HSD17B12: variants seen among roughly 807,000 people sequenced by gnomAD.
HSD17B12 encodes the protein very-long-chain 3-oxoacyl-CoA reductase.
In HSD17B12, 32 loss-of-function variants were observed where a neutral mutation model predicts 39.3. The ratio of observed to expected loss-of-function variants is 0.81; its 90% CI spans 0.61 to 1.09. The LOEUF (loss-of-function observed/expected upper bound fraction) is 1.09. HSD17B12 is among the 50% of genes least tolerant of loss of function. The pLI is 0.00. For synonymous variants in HSD17B12, 150 were observed against 146.7 expected (o/e 1.02, Z -0.16); for missense variants, 342 against 382.9 (o/e 0.89, Z 0.89).
At chr11:43,606,091 A>G in the HSD17B12 span, among the ~76,000 whole-genome samples, 1 of 152,236 alleles carries the variant, frequency 6.6e-6, no homozygotes, top group Admixed American at 6.5e-5. Context: ...GGTCAGGTCA[A>G]TTCCTAAAAT....
the HSD17B12 span, among the ~76,000 whole-genome samples, chr11:43,662,377 T>TTGTGTG: frequency 0.16 from 20,885 of 128,242 alleles, 1,960 homozygotes; most frequent in Non-Finnish European, 0.21. Flanking sequence ...TTTATTTTAT[T>TTGTGTG]TGTGTGTGTG....
chr11:43,659,560 C>T, the HSD17B12 span, among the ~76,000 whole-genome samples: 1 of 152,004 alleles, frequency 6.6e-6, no homozygotes, highest in Non-Finnish European at 1.5e-5. Context: ...GCAAAAATTT[C>T]TTAGATAATA....
chr11:43,688,732 G>A (rs1468664426), intron 1 of HSD17B12, among the ~76,000 whole-genome samples: 1 of 152,158 alleles, frequency 6.6e-6, no homozygotes, highest in Non-Finnish European at 1.5e-5. Context: ...AAACAGATTG[G>A]CTTTGGAGTC....
the HSD17B12 span, among the ~76,000 whole-genome samples, chr11:43,670,758 GC>G: frequency 6.6e-6 from 1 of 152,112 alleles, no homozygotes; most frequent in African/African-American, 2.4e-5. Context: ...GGTGCTGTGT[GC>G]CTGTAGTCCT....
intron 1 of HSD17B12, among the ~76,000 whole-genome samples, chr11:43,688,348 A>G (rs1051326008): frequency 6.6e-6 from 1 of 152,220 alleles, no homozygotes; most frequent in Admixed American, 6.5e-5. Flanking sequence ...TCACTGTGGT[A>G]TGGGAAGTTC....
the HSD17B12 span, among the ~76,000 whole-genome samples, chr11:43,636,258 A>T: frequency 1.6e-3 from 248 of 152,312 alleles, 2 homozygotes; most frequent in East Asian, 0.024. Context: ...CTCAACATGG[A>T]GATGGTTTTA....
At chr11:43,670,038 T>G in the HSD17B12 span, among the ~76,000 whole-genome samples, 2 of 152,228 alleles carry the variant, frequency 1.3e-5, no homozygotes, top group Non-Finnish European at 2.9e-5. Context: ...AAAGAGAAGT[T>G]GAACTGCACT....
the HSD17B12 span, among the ~76,000 whole-genome samples, chr11:43,618,264 T>C: frequency 2.0e-5 from 3 of 152,194 alleles, no homozygotes; most frequent in African/African-American, 7.2e-5. Flanking sequence ...TTTATATTCA[T>C]TATGTTTTAC....
intron 1 of HSD17B12, among the ~76,000 whole-genome samples, chr11:43,689,111 A>C (rs1319503447): frequency 6.6e-6 from 1 of 152,234 alleles, no homozygotes; most frequent in African/African-American, 2.4e-5. Flanking sequence ...AAGATTTACT[A>C]AGCAGTTCCT....
chr11:43,585,747 G>T, the HSD17B12 span, among the ~76,000 whole-genome samples: 11 of 152,196 alleles, frequency 7.2e-5, no homozygotes, highest in Admixed American at 2.0e-4. Context: ...CAATAGGGTT[G>T]TTGTTAATTC....
At chr11:43,666,488 C>T in the HSD17B12 span, among the ~76,000 whole-genome samples, 1 of 152,032 alleles carries the variant, frequency 6.6e-6, no homozygotes, top group East Asian at 1.9e-4. Flanking sequence ...TGCAGGCGCA[C>T]ACCACCACAC....
rs1194923917 is a variant in HSD17B12 at position 43,680,937 on chromosome 11, G to A, written c.110G>A (p.Trp37Ter). 1 of 1,611,956 alleles carries A rather than the reference G, an allele frequency of 6.2e-7. No homozygotes were observed. Among genetic ancestry groups the A allele is most frequent in the South Asian group, 1.1e-5 (1 of 91,020 alleles). The change falls in exon 1 of 11, where the codon TGG (tryptophan) becomes TAG (stop). Residue 37 changes from tryptophan (W) to a stop codon, truncating the protein, a stop_gained. Transcript: ENST00000278353. LOFTEE classifies it high-confidence loss of function. ...SYSLFTALRV[W>*]GVGNEAGVGP... ...TCGCTCTTCACGGCCCTCCGGGTCTGGGGAGTGGGGAATGAGGCGGGGGTC... is the reference window on the plus strand; with the variant it reads ...TCGCTCTTCACGGCCCTCCGGGTCTAGGGAGTGGGGAATGAGGCGGGGGTC...
chr11:43,724,217 C>CTGTGTG (rs1342165138), intron 1 of HSD17B12: 1 of 112,408 alleles, frequency 8.9e-6, no homozygotes, highest in Non-Finnish European at 1.9e-5. Context: ...TATGTGTATG[C>CTGTGTG]TCTGTGTGTG....
At chr11:43,618,786 C>G in the HSD17B12 span, among the ~76,000 whole-genome samples, 1 of 152,056 alleles carries the variant, frequency 6.6e-6, no homozygotes, top group African/African-American at 2.4e-5. Context: ...GACTTCAGAA[C>G]TAGAAGTCAA....
At chr11:43,643,587 A>C in the HSD17B12 span, among the ~76,000 whole-genome samples, 1 of 152,184 alleles carries the variant, frequency 6.6e-6, no homozygotes, top group Non-Finnish European at 1.5e-5. Flanking sequence ...ATATTGACAC[A>C]ACCCAGGTTT....
chr11:43,798,479 T>G (rs1222011018), intron 4 of HSD17B12, 52 bp downstream of exon 4: 1 of 1,193,008 alleles, frequency 8.4e-7, no homozygotes, highest in Non-Finnish European at 1.2e-6. Context: ...TTATTTGACT[T>G]TATGACTTTG....
At chr11:43,783,877 C>A (rs1354092229) in intron 3 of HSD17B12, among the ~76,000 whole-genome samples, 2 of 152,132 alleles carry the variant, frequency 1.3e-5, no homozygotes, top group African/African-American at 4.8e-5. Context: ...AAACCCTTTA[C>A]ATGTTAACAC....
intron 4 of HSD17B12, among the ~76,000 whole-genome samples, chr11:43,802,786 A>G (rs1174074473): frequency 2.0e-5 from 3 of 152,230 alleles, no homozygotes; most frequent in Non-Finnish European, 1.5e-5. Context: ...AGAATGATCC[A>G]TCCAAAATGT....
intron 3 of HSD17B12, among the ~76,000 whole-genome samples, chr11:43,784,393 A>T (rs1428579433): frequency 9.1e-6 from 1 of 110,218 alleles, no homozygotes; most frequent in Non-Finnish European, 1.8e-5. Flanking sequence ...CTGGCTATTT[A>T]TCTTCTTTTT....
Sources: allele counts gnomAD v4.1 joint callset (sites outside exome capture counted in the v4.1 genomes callset), GRCh38; gene constraint gnomAD v4.1.1; transcripts MANE v1.5; gene names NCBI Gene and HGNC (gene_info 2026-07-23, HGNC 2026-07-21).